Variants in IL17REL observed in about 807,000 individuals in gnomAD.
The protein encoded by IL17REL is interleukin 17 receptor E like.
A neutral mutation model predicts 49.0 loss-of-function variants in IL17REL; 36 were observed. The ratio of observed to expected loss-of-function variants is 0.73; its 90% CI spans 0.56 to 0.97. IL17REL has a LOEUF of 0.97. Among genes scored for constraint, IL17REL ranks in the 50% least tolerant of loss-of-function variants. The pLI is 0.00. For synonymous variants in IL17REL, 206 were observed against 192.4 expected (o/e 1.07, Z -0.58); for missense variants, 470 against 453.9 (o/e 1.04, Z -0.32).
intron 7 of IL17REL, 42 bp from the exon 10 acceptor site, chr22:49,998,351 C>G (rs2061050446): frequency 5.8e-6 from 9 of 1,552,208 alleles, no homozygotes; most frequent in Non-Finnish European, 7.8e-6. Flanking sequence ...TTGGGCCCTA[C>G]CCTGGCTGCC....
chr22:50,004,414 G>A (rs1412322222), intron 1 of IL17REL, among the ~76,000 whole-genome samples: 1 of 152,180 alleles, frequency 6.6e-6, no homozygotes, highest in Non-Finnish European at 1.5e-5. Flanking sequence ...ATGGTTTGGG[G>A]ATAAAAAGCC....
upstream of IL17REL, among the ~76,000 whole-genome samples, chr22:50,010,473 G>A (rs1336176088): frequency 1.3e-5 from 2 of 152,230 alleles, no homozygotes; most frequent in Non-Finnish European, 2.9e-5. Flanking sequence ...AACTGCAGGG[G>A]GGCAGTGGCG....
upstream of IL17REL, among the ~76,000 whole-genome samples, chr22:50,010,911 G>C (rs895264686): frequency 1.3e-5 from 2 of 151,846 alleles, no homozygotes; most frequent in Non-Finnish European, 2.9e-5. Context: ...GCGTCGGGGG[G>C]TGTGCAGGGA....
chr22:49,993,910 C>T (rs1376432932), downstream of IL17REL, among the ~76,000 whole-genome samples: 2 of 152,078 alleles, frequency 1.3e-5, no homozygotes, highest in Non-Finnish European at 2.9e-5. The surrounding 1 kb of genome is among the most constrained non-coding windows in gnomAD (Gnocchi z 6.0). Context: ...CCTGCTGAGC[C>T]GGGACACTTG....
At chr22:50,002,494 T>C (rs1290087025) in intron 1 of IL17REL, among the ~76,000 whole-genome samples, 2 of 130,756 alleles carry the variant, frequency 1.5e-5, no homozygotes, top group African/African-American at 3.0e-5. Flanking sequence ...TCTTTTCTTT[T>C]CTTTTTTTTT....
chr22:49,998,456 G>A (rs1479015997), intron 7 of IL17REL, 147 bp from the exon 10 acceptor site: 11 of 738,194 alleles, frequency 1.5e-5, no homozygotes, highest in South Asian at 1.1e-4. Context: ...GGCTGTGCAC[G>A]TGTGTGCATG....
rs1470675650 is a variant in IL17REL, at chr22:50,000,593, C to G, written c.220-1G>C. ...CAAAGCAGCCAAAGTGCACTTGGAG[C>G]TGAGCAGGTGCAGGTGTGAGCTGCG... On this transcript the variant is annotated splice_acceptor_variant, in intron 3 of 12. Coordinates refer to ENST00000341280, the Ensembl canonical transcript of IL17REL. LOFTEE classifies it high-confidence loss of function. 6.2e-7 allele frequency: 1 copy of G among 1,611,660 alleles called. No homozygotes were observed. The highest frequency in any genetic ancestry group is 8.5e-7 in the Non-Finnish European group (1 of 1,178,538).
chr22:50,004,970 TAAAAA>T (rs11455056), intron 1 of IL17REL, among the ~76,000 whole-genome samples: 1 of 51,970 alleles, frequency 1.9e-5, no homozygotes, highest in Non-Finnish European at 4.4e-5. Context: ...AACCAGAAAG[TAAAAA>T]AAAAAAAAAA....
chr22:49,996,972 TG>T, intron 12 of IL17REL, 21 bp downstream of exon 14: 1 of 1,301,996 alleles, frequency 7.7e-7, no homozygotes, highest in Non-Finnish European at 1.1e-6. Context: ...GGCTAGGGGC[TG>T]GGCACAGCAG....
rs2061061179 is a variant in IL17REL, at chr22:49,999,510, C to G, written c.475-8G>C. The G allele has an allele frequency of 6.3e-7, 1 of 1,599,596 alleles. No homozygotes were observed. Among genetic ancestry groups the G allele is most frequent in the Non-Finnish European group, 8.5e-7 (1 of 1,175,800 alleles). ...GACGCTGTTGGCGGTCACCTGCAAC[C>G]CAGAAAGGGCGGCTGAGGGGCCGCG... On this transcript the variant is annotated splice_region_variant and splice_polypyrimidine_tract_variant and intron_variant, in intron 5 of 12. Coordinates refer to ENST00000341280, the Ensembl canonical transcript of IL17REL.
chr22:49,998,921 G>T (rs935881511), intron 7 of IL17REL, among the ~76,000 whole-genome samples: 1 of 151,970 alleles, frequency 6.6e-6, no homozygotes, highest in Non-Finnish European at 1.5e-5. Flanking sequence ...GTATGTTCAT[G>T]GGTGTCTGTG....
chr22:49,992,270 A>C (rs529846389), downstream of IL17REL, among the ~76,000 whole-genome samples: 4 of 152,164 alleles, frequency 2.6e-5, no homozygotes, highest in African/African-American at 7.2e-5. Flanking sequence ...CACCTTCTGC[A>C]CTTCTCCCCA....
upstream of IL17REL, chr22:50,012,426 C>T (rs192123798): frequency 1.7e-3 from 260 of 152,690 alleles, 1 homozygote; most frequent in African/African-American, 6.1e-3. Context: ...TCGGACCCCC[C>T]AGGGCCCTGC....
chr22:49,999,834 A>G (rs764747540), exon 5 of IL17REL: 2 of 1,514,012 alleles, frequency 1.3e-6, no homozygotes, highest in East Asian at 2.7e-5. Flanking sequence ...TCACTCGCAC[A>G]GGGGCGCCGG....
chr22:50,000,678 G>A (rs2061072916), intron 3 of IL17REL, 76 bp downstream of exon 4: 2 of 1,546,688 alleles, frequency 1.3e-6, no homozygotes, highest in East Asian at 2.3e-5. Flanking sequence ...CTGGAGCTTA[G>A]AGCCAGGGAT....
chr22:49,997,734 G>C, exon 10 of IL17REL: 1 of 1,613,924 alleles, frequency 6.2e-7, no homozygotes, highest in Non-Finnish European at 8.5e-7. Context: ...ACCCCCAACT[G>C]GTAGAGAACT....
upstream of IL17REL, among the ~76,000 whole-genome samples, chr22:50,012,352 A>G (rs1458364435): frequency 6.6e-6 from 1 of 152,056 alleles, no homozygotes; most frequent in Non-Finnish European, 1.5e-5. Context: ...TCCAGCAAAC[A>G]CTTCCCGGAG....
At chr22:50,008,404 G>A (rs532294333) in intron 1 of IL17REL, among the ~76,000 whole-genome samples, 4 of 152,296 alleles carry the variant, frequency 2.6e-5, no homozygotes, top group African/African-American at 4.8e-5. Context: ...GTGGAGACGT[G>A]GGACTCTCTG....
chr22:49,995,153 CG>C (rs1206710169), exon 13 of IL17REL: 1 of 152,296 alleles, frequency 6.6e-6, no homozygotes, highest in Non-Finnish European at 1.5e-5. Flanking sequence ...TTGACCACCT[CG>C]GGCCTGATCA....
Sources: gnomAD v4.1 joint callset for allele counts (sites outside exome capture counted in the v4.1 genomes callset) on GRCh38, gnomAD v4.1.1 for gene constraint, Gnocchi (gnomAD v3.1) non-coding constraint, MANE v1.5 for transcripts, NCBI Gene and HGNC (gene_info 2026-07-23, HGNC 2026-07-21) for gene names.